Variants in STON2 observed in about 807,000 individuals in gnomAD.
The protein encoded by STON2 is stonin 2, also known as stonin-2.
Under a neutral mutation model 65.7 loss-of-function variants are expected in STON2, and 29 were observed. That is an observed-to-expected ratio of 0.44 (90% confidence interval 0.33 to 0.60). STON2 has a LOEUF of 0.60. Ranked by LOEUF, STON2 falls within the 20% of genes least tolerant of loss-of-function variation. The pLI is 0.03. For synonymous variants in STON2, 404 were observed against 414.2 expected, an observed-to-expected ratio of 0.98 and a Z score of 0.30; for missense variants, 1,054 against 1,118.1, an observed-to-expected ratio of 0.94 and a Z score of 0.82.
chr14:81,391,427 T>C (rs1484874473), intron 3 of STON2, among the ~76,000 whole-genome samples: 1 of 152,138 alleles, frequency 6.6e-6, no homozygotes, highest in East Asian at 1.9e-4. Flanking sequence ...AATGTCTACA[T>C]TATCCATTAT....
In STON2 at chr14:81,381,865, G is replaced by A. The variant is rs116192872; in HGVS notation, c.374-10680C>T. 2.4e-3 allele frequency among the ~76,000 whole-genome samples: 369 copies of A among 152,200 alleles called. 1 individual carries two copies. Among genetic ancestry groups the A allele is most frequent in the African/African-American group, 8.4e-3 (349 of 41,528 alleles). On this transcript the variant is annotated intron_variant, in intron 3 of 7. Coordinates refer to ENST00000614646, the MANE Select transcript of STON2 (RefSeq NM_001394390.1). ...CCTGCACATGTTCACCAGGATACAC[G>A]TTAAAAATGTTCATAGAAAGACAAA...
chr14:81,340,020 G>A (rs191239852), intron 4 of STON2, among the ~76,000 whole-genome samples: 255 of 152,278 alleles, frequency 1.7e-3, no homozygotes, highest in Non-Finnish European at 2.7e-3. Flanking sequence ...CGGGCGTGGT[G>A]GCGGGCGCCT....
chr14:81,370,569 T>C (rs1340696326), intron 4 of STON2, among the ~76,000 whole-genome samples: 1 of 152,258 alleles, frequency 6.6e-6, no homozygotes, highest in East Asian at 1.9e-4. Flanking sequence ...TTCTGTTTTA[T>C]ATAACATTCG....
intron 7 of STON2, 170 bp downstream of exon 7, chr14:81,270,500 C>T: frequency 1.3e-6 from 2 of 1,513,326 alleles, no homozygotes; most frequent in Admixed American, 2.2e-5. Flanking sequence ...CCAGATTATG[C>T]ATTTAAATCA....
intron 4 of STON2, among the ~76,000 whole-genome samples, chr14:81,369,440 AG>A (rs1898886871): frequency 6.6e-6 from 1 of 152,220 alleles, no homozygotes; most frequent in Non-Finnish European, 1.5e-5. Flanking sequence ...AAAGTAGATT[AG>A]GCAATGAAAA....
chr14:81,413,867 G>A (rs1901292712), intron 2 of STON2, among the ~76,000 whole-genome samples: 1 of 140,070 alleles, frequency 7.1e-6, no homozygotes, highest in Non-Finnish European at 1.5e-5. Flanking sequence ...TCTCACTGTT[G>A]TAATTTAAAA....
At chr14:81,368,921 T>C (rs1898862224) in intron 4 of STON2, among the ~76,000 whole-genome samples, 1 of 152,204 alleles carries the variant, frequency 6.6e-6, no homozygotes, top group African/African-American at 2.4e-5. Flanking sequence ...CCAACACACC[T>C]GTTTGCCGCT....
At chr14:81,370,667 C>T (rs1474635197) in intron 4 of STON2, among the ~76,000 whole-genome samples, 2 of 152,216 alleles carry the variant, frequency 1.3e-5, no homozygotes, top group Non-Finnish European at 2.9e-5. Flanking sequence ...TGCATATTTA[C>T]ACACGTTCAG....
At chr14:81,332,892 G>T in intron 4 of STON2, 1 of 217,786 alleles carries the variant, frequency 4.6e-6, no homozygotes, top group Non-Finnish European at 9.1e-6. Flanking sequence ...AATGGCCACA[G>T]ATAACATCAT....
chr14:81,335,215 T>C (rs752511731), intron 4 of STON2, among the ~76,000 whole-genome samples: 17 of 152,112 alleles, frequency 1.1e-4, no homozygotes, highest in Non-Finnish European at 2.2e-4. Context: ...ACCCATTCTT[T>C]ATATAAAGAC....
chr14:81,321,092 T>C (rs1896805431), intron 5 of STON2, among the ~76,000 whole-genome samples: 2 of 152,170 alleles, frequency 1.3e-5, no homozygotes, highest in Non-Finnish European at 2.9e-5. Flanking sequence ...CACAACTATT[T>C]TCCCTGATCC....
chr14:81,391,170 C>T (rs1038652200), intron 3 of STON2, among the ~76,000 whole-genome samples: 2 of 152,178 alleles, frequency 1.3e-5, no homozygotes, highest in African/African-American at 2.4e-5. Context: ...GGGAGGACAA[C>T]CTAATGTCTT....
chr14:81,262,425 T>C lies in STON2; in HGVS notation c.*5989A>G, dbSNP rs1292631933. ...TGAGTTGAATTAATCCTGCCATCTA[T>C]CCCTTTTTACTATGCAATCTTTATT... On this transcript the variant is annotated 3_prime_UTR_variant, in exon 8 of 8. Coordinates refer to ENST00000614646, the MANE Select transcript of STON2 (RefSeq NM_001394390.1). The C allele has an allele frequency of 1.0e-6, 1 of 982,792 alleles. No homozygotes were observed. The highest frequency in any genetic ancestry group is 6.2e-5 in the Admixed American group (1 of 16,060). 60.9% of individuals were successfully genotyped at this position (982,792 alleles called of 1,614,324 possible). A position where few individuals can be genotyped will look rare whatever the true frequency, so the allele number is the denominator to read the frequency against.
intron 3 of STON2, among the ~76,000 whole-genome samples, chr14:81,394,463 T>C (rs1425522126): frequency 6.6e-6 from 1 of 152,100 alleles, no homozygotes; most frequent in Non-Finnish European, 1.5e-5. Flanking sequence ...TACCCCAAGA[T>C]GTCCACATCT....
In STON2 at chr14:81,262,038, T is replaced by C. The variant is rs1451831946; in HGVS notation, c.*6376A>G. The C allele has an allele frequency of 1.2e-4, 159 of 1,364,474 alleles. No individual in the cohort carries two copies. The highest frequency in any genetic ancestry group is 1.4e-4 in the Non-Finnish European group (154 of 1,064,716). 84.5% of individuals were successfully genotyped at this position (1,364,474 alleles called of 1,614,324 possible). A position where few individuals can be genotyped will look rare whatever the true frequency, so the allele number is the denominator to read the frequency against. On this transcript the variant is annotated 3_prime_UTR_variant, in exon 8 of 8. Coordinates refer to ENST00000614646, the MANE Select transcript of STON2 (RefSeq NM_001394390.1). Reference sequence around the variant, plus strand: ...CAAAATTTAAATTTCTTGGTTCTTATAAACATAGGAAGAGTCACTGAAAGG... The same window carrying C: ...CAAAATTTAAATTTCTTGGTTCTTACAAACATAGGAAGAGTCACTGAAAGG...
intron 4 of STON2, among the ~76,000 whole-genome samples, chr14:81,337,612 G>T (rs1257296918): frequency 6.6e-6 from 1 of 152,114 alleles, no homozygotes; most frequent in Non-Finnish European, 1.5e-5. Flanking sequence ...GTGAGGGAGT[G>T]AACCGTATGA....
Position 81,268,298 on chromosome 14 carries a change from A to G in STON2, c.*116T>C. ...ATCTGGTATACTGTTCCCAACATGC[A>G]GTGGCCACAGCAGGTATTGACTGCA... On this transcript the variant is annotated 3_prime_UTR_variant, in exon 8 of 8. Transcript: ENST00000614646. 1 of 1,227,788 alleles carries G rather than the reference A, an allele frequency of 8.1e-7. No individual in the cohort carries two copies. The highest frequency in any genetic ancestry group is 1.0e-6 in the Non-Finnish European group (1 of 961,986). 76.1% of individuals were successfully genotyped at this position (1,227,788 alleles called of 1,614,324 possible).
At position 81,278,510 on chromosome 14, in the gene STON2, A is replaced by G. The variant is rs1341322944; in HGVS notation, c.972T>C (p.Tyr324=). ...TCTTCTTAAATGATCCCATTGAATTATAAGGTACATCTGGGATCACAGATG... is the reference window on the plus strand; with the variant it reads ...TCTTCTTAAATGATCCCATTGAATTGTAAGGTACATCTGGGATCACAGATG... ...PSASVIPDVP[Y]NSMGSFKKRD... is the part of the protein sequence containing the mutation. Residue 324 remains tyrosine (Y), a synonymous_variant, in exon 6 of 8, where the codon TAT becomes TAC. Transcript: ENST00000614646. 2 of 1,614,206 alleles carry G rather than the reference A, an allele frequency of 1.2e-6. No individual in the cohort carries two copies. The highest frequency in any genetic ancestry group is 1.7e-6 in the Non-Finnish European group (2 of 1,180,026).
intron 4 of STON2, among the ~76,000 whole-genome samples, chr14:81,344,431 C>T (rs1425912774): frequency 1.3e-5 from 2 of 152,194 alleles, no homozygotes; most frequent in Admixed American, 6.5e-5. Context: ...GAGGCCAATA[C>T]AGCAAAATGA....
Sources: allele counts gnomAD v4.1 joint callset (sites outside exome capture counted in the v4.1 genomes callset), GRCh38; gene constraint gnomAD v4.1.1; transcripts MANE v1.5; gene names NCBI Gene and HGNC (gene_info 2026-07-23, HGNC 2026-07-21).